Variants in PRIM2 observed in about 807,000 individuals in gnomAD.
PRIM2 encodes the protein DNA primase large subunit.
PRIM2 carries 39 observed loss-of-function variants against 67.3 expected under a neutral mutation model. The observed-to-expected ratio is 0.58, with a 90% CI of 0.45 to 0.76. The LOEUF (loss-of-function observed/expected upper bound fraction) is 0.76, where lower values mean the gene tolerates loss of function less well. Among genes scored for constraint, PRIM2 ranks in the 30% least tolerant of loss-of-function variants. PRIM2 has a pLI of 0.00. For synonymous variants in PRIM2, 143 were observed against 198.7 expected, an observed-to-expected ratio of 0.72 and a Z score of 2.36; for missense variants, 398 against 598.7, an observed-to-expected ratio of 0.66 and a Z score of 3.50.
the PRIM2 span, among the ~76,000 whole-genome samples, chr6:57,269,204 G>C: frequency 6.6e-6 from 1 of 151,180 alleles, no homozygotes; most frequent in Non-Finnish European, 1.5e-5. Flanking sequence ...CTGAGGAATC[G>C]CCACACTGAC....
chr6:57,299,716 A>G, the PRIM2 span, among the ~76,000 whole-genome samples: 1 of 152,334 alleles, frequency 6.6e-6, no homozygotes, highest in Non-Finnish European at 1.5e-5. Context: ...TCATACTTGG[A>G]TATAGAGAGG....
At chr6:57,538,068 T>G (rs1308875691) in intron 10 of PRIM2, among the ~76,000 whole-genome samples, 1 of 151,816 alleles carries the variant, frequency 6.6e-6, no homozygotes, top group Non-Finnish European at 1.5e-5. Context: ...TGGGCTGGAG[T>G]GCAATGGTGC....
chr6:57,373,101 T>C (rs1006498130), intron 5 of PRIM2, among the ~76,000 whole-genome samples: 3 of 152,208 alleles, frequency 2.0e-5, no homozygotes, highest in Non-Finnish European at 4.4e-5. Context: ...CATTCCTTTT[T>C]CTCCACAACC....
At chr6:57,261,965 TG>T in the PRIM2 span, among the ~76,000 whole-genome samples, 1 of 152,208 alleles carries the variant, frequency 6.6e-6, no homozygotes, top group African/African-American at 2.4e-5. Context: ...GCAGTATCTT[TG>T]TTAAAGTCCC....
the PRIM2 span, among the ~76,000 whole-genome samples, chr6:57,296,429 A>G: frequency 3.0e-5 from 1 of 33,882 alleles, no homozygotes; most frequent in African/African-American, 3.6e-4. Flanking sequence ...ACTGTTGGAG[A>G]AAAAAAGTCA....
At chr6:57,362,789 G>A (rs1377033998) in intron 5 of PRIM2, among the ~76,000 whole-genome samples, 2 of 152,078 alleles carry the variant, frequency 1.3e-5, no homozygotes, top group African/African-American at 4.8e-5. Context: ...TAAAGGAGAT[G>A]TCATAAAGAA....
intron 7 of PRIM2, among the ~76,000 whole-genome samples, chr6:57,406,212 A>T (rs6459217): frequency 0.078 from 11,482 of 147,236 alleles, 1,375 homozygotes; most frequent in African/African-American, 0.26. Flanking sequence ...TCCTTCTTAA[A>T]TTTTTTAAGT....
chr6:57,420,820 G>A (rs1033286529), intron 7 of PRIM2, among the ~76,000 whole-genome samples: 3 of 152,162 alleles, frequency 2.0e-5, no homozygotes, highest in Admixed American at 6.5e-5. Context: ...AATGATTTTA[G>A]TTTTGGACAT....
upstream of PRIM2, among the ~76,000 whole-genome samples, chr6:57,310,879 C>CT (rs1767368769): frequency 1.4e-5 from 2 of 146,956 alleles, no homozygotes; most frequent in Admixed American, 1.3e-4. Flanking sequence ...GGCAGAGGCG[C>CT]TCCTCACTTC....
intron 12 of PRIM2, among the ~76,000 whole-genome samples, chr6:57,608,581 A>G (rs1776602883): frequency 6.6e-6 from 1 of 151,940 alleles, no homozygotes; most frequent in Admixed American, 6.6e-5. Context: ...AAAAATTAGC[A>G]GGTGTGGTGG....
Position 57,415,476 on chromosome 6 carries a change from T to TA in PRIM2, c.693+33314dup, listed in dbSNP as rs1172746019. Among the ~76,000 whole-genome samples the TA allele has an allele frequency of 3.9e-5, 6 of 152,292 alleles. No homozygotes were observed. In the South Asian group the frequency reaches 8.3e-4, roughly 21 times the overall value. ...CCTTAATTTAAAAGTGCTTTATTGC[T>TA]AAAAAATGCTAATGATCATCTATCT... On this transcript the variant is annotated intron_variant, in intron 7 of 13. Coordinates refer to ENST00000615550, the MANE Select transcript of PRIM2 (RefSeq NM_000947.5).
chr6:57,231,312 T>G, the PRIM2 span, among the ~76,000 whole-genome samples: 1 of 152,232 alleles, frequency 6.6e-6, no homozygotes, highest in Non-Finnish European at 1.5e-5. Flanking sequence ...ATGTTAGGTT[T>G]CTCTTCCTGT....
chr6:57,610,134 T>C (rs1380464581), intron 12 of PRIM2, among the ~76,000 whole-genome samples: 2 of 152,164 alleles, frequency 1.3e-5, no homozygotes, highest in African/African-American at 4.8e-5. Context: ...AATGGCGCAA[T>C]CTCGGCTCAC....
chr6:57,296,530 T>G, the PRIM2 span, among the ~76,000 whole-genome samples: 1 of 151,924 alleles, frequency 6.6e-6, no homozygotes, highest in Non-Finnish European at 1.5e-5. Flanking sequence ...AACTGTAAAT[T>G]GTATGTATAT....
chr6:57,280,655 G>A, the PRIM2 span, among the ~76,000 whole-genome samples: 7 of 152,024 alleles, frequency 4.6e-5, no homozygotes, highest in African/African-American at 9.7e-5. Context: ...GATTACAGGC[G>A]TGTGCTACCA....
At chr6:57,612,569 T>TA (rs1776685830) in intron 12 of PRIM2, among the ~76,000 whole-genome samples, 1 of 152,152 alleles carries the variant, frequency 6.6e-6, no homozygotes, top group Non-Finnish European at 1.5e-5. Context: ...AGAGGTGTTA[T>TA]AAAGGACAAG....
chr6:57,315,427 T>C (rs531975141), upstream of PRIM2, among the ~76,000 whole-genome samples: 3 of 152,258 alleles, frequency 2.0e-5, no homozygotes, highest in Admixed American at 1.3e-4. Context: ...CTATAATTAT[T>C]TAAAGAACTA....
chr6:57,353,453 A>G (rs1303313809), intron 5 of PRIM2, among the ~76,000 whole-genome samples: 1 of 152,214 alleles, frequency 6.6e-6, no homozygotes. Context: ...AGTTTGCTGT[A>G]TACCACTTAA....
chr6:57,642,662 C>T (rs1777264774), intron 13 of PRIM2, among the ~76,000 whole-genome samples: 1 of 151,866 alleles, frequency 6.6e-6, no homozygotes, highest in Non-Finnish European at 1.5e-5. Flanking sequence ...AGGATGGTCT[C>T]AATCTCCTGA....
Sources: gnomAD v4.1 joint callset for allele counts (sites outside exome capture counted in the v4.1 genomes callset) on GRCh38, gnomAD v4.1.1 for gene constraint, MANE v1.5 for transcripts, NCBI Gene and HGNC (gene_info 2026-07-23, HGNC 2026-07-21) for gene names.